Variants in RANBP3 observed in about 807,000 individuals in gnomAD.
RANBP3 encodes RAN binding protein 3.
In RANBP3, 14 loss-of-function variants were observed where a neutral mutation model predicts 77.3. That is an observed-to-expected ratio of 0.18 (90% confidence interval 0.12 to 0.28). The LOEUF (loss-of-function observed/expected upper bound fraction) is 0.28, where lower values mean the gene tolerates loss of function less well. Ranked by LOEUF, RANBP3 falls within the 10% of genes least tolerant of loss-of-function variation. The pLI, the probability that RANBP3 is intolerant of heterozygous loss-of-function variation, is 1.00. For synonymous variants in RANBP3, 315 were observed against 312.4 expected (o/e 1.01, Z -0.09); for missense variants, 586 against 752.3 (o/e 0.78, Z 2.59).
chr19:5,967,274 T>C (rs2058478932), intron 1 of RANBP3, among the ~76,000 whole-genome samples: 1 of 152,240 alleles, frequency 6.6e-6, no homozygotes, highest in African/African-American at 2.4e-5. Context: ...TCATGGAGAT[T>C]ATGGGGACAC....
At chr19:5,938,355 C>T (rs1041002727) in intron 5 of RANBP3, among the ~76,000 whole-genome samples, 1 of 152,136 alleles carries the variant, frequency 6.6e-6, no homozygotes, top group African/African-American at 2.4e-5. Context: ...AAAAGGCAGG[C>T]TCCATATTCT....
At chr19:5,947,428 A>G (rs553094210) in intron 3 of RANBP3, among the ~76,000 whole-genome samples, 9 of 152,334 alleles carry the variant, frequency 5.9e-5, no homozygotes, top group African/African-American at 1.9e-4. Flanking sequence ...GCAGGACATA[A>G]GAGCCCCATT....
At position 5,925,497 on chromosome 19, in the gene RANBP3, T is replaced by A. The variant is rs10406372; in HGVS notation, c.917+137A>T. 7,773 of 716,534 alleles carry A rather than the reference T, an allele frequency of 0.011. 454 individuals carry two copies. The African/African-American group carries it at 0.12, about 11-fold the overall frequency. The allele number at this position is 716,534 out of a possible 1,614,324, so 44.4% of individuals were successfully genotyped here. Reference sequence around the variant, plus strand: ...CCAAGGTTGTGCCCAGAGTGGGGAATGAGAGAGAGGGGCCTGAGAGCAACC... The same window carrying A: ...CCAAGGTTGTGCCCAGAGTGGGGAAAGAGAGAGAGGGGCCTGAGAGCAACC... On this transcript the variant is annotated intron_variant, in intron 10 of 16. Transcript: ENST00000340578.
intron 2 of RANBP3, among the ~76,000 whole-genome samples, chr19:5,952,000 C>A (rs2058282654): frequency 6.6e-6 from 1 of 152,108 alleles, no homozygotes; most frequent in Non-Finnish European, 1.5e-5. Flanking sequence ...GCCATCAGCA[C>A]CATTTCTGTG....
intron 1 of RANBP3, among the ~76,000 whole-genome samples, chr19:5,962,024 C>A (rs553695603): frequency 1.7e-4 from 26 of 152,066 alleles, no homozygotes; most frequent in Non-Finnish European, 3.7e-4. Flanking sequence ...GAGAGGCGTG[C>A]CTGCCCTGCT....
intron 14 of RANBP3, among the ~76,000 whole-genome samples, chr19:5,919,605 A>G (rs919117556): frequency 6.6e-6 from 1 of 152,232 alleles, no homozygotes; most frequent in Non-Finnish European, 1.5e-5. Flanking sequence ...AAACACAAGA[A>G]GACGTCCATA....
At chr19:5,934,807 C>A (rs530469211) in intron 5 of RANBP3, among the ~76,000 whole-genome samples, 12 of 152,270 alleles carry the variant, frequency 7.9e-5, no homozygotes, top group Admixed American at 5.9e-4. Context: ...TGCACTCCAG[C>A]CTGGGCGACA....
At chr19:5,922,790 A>G (rs1318986393) in intron 13 of RANBP3, among the ~76,000 whole-genome samples, 1 of 152,080 alleles carries the variant, frequency 6.6e-6, no homozygotes, top group Non-Finnish European at 1.5e-5. Flanking sequence ...AAATACAAAA[A>G]TTAGCCTGGC....
At chr19:5,929,149 G>C (rs1281184217) in intron 8 of RANBP3, among the ~76,000 whole-genome samples, 1 of 152,258 alleles carries the variant, frequency 6.6e-6, no homozygotes, top group African/African-American at 2.4e-5. Context: ...TGGTCCAACT[G>C]TGAAGGAAGT....
intron 3 of RANBP3, among the ~76,000 whole-genome samples, chr19:5,942,198 C>T (rs1188395269): frequency 6.6e-6 from 1 of 152,214 alleles, no homozygotes; most frequent in Non-Finnish European, 1.5e-5. Context: ...AAGCGACCCT[C>T]TCCACCCTTG....
At chr19:5,956,181 C>G (rs983922488) in intron 2 of RANBP3, among the ~76,000 whole-genome samples, 5 of 152,152 alleles carry the variant, frequency 3.3e-5, no homozygotes, top group Non-Finnish European at 7.3e-5. Flanking sequence ...AGTGCTGTGC[C>G]TTAATTTGCT....
At chr19:5,920,170 G>A (rs900919677) in intron 14 of RANBP3, among the ~76,000 whole-genome samples, 15 of 152,232 alleles carry the variant, frequency 9.9e-5, no homozygotes, top group African/African-American at 2.7e-4. Context: ...GCTGAGGTGG[G>A]AGGACTGTTT....
intron 5 of RANBP3, among the ~76,000 whole-genome samples, chr19:5,939,593 G>A (rs959611151): frequency 6.6e-6 from 1 of 152,224 alleles, no homozygotes; most frequent in Non-Finnish European, 1.5e-5. Context: ...CTGTTGACAA[G>A]GAGGTGCAGG....
intron 1 of RANBP3, among the ~76,000 whole-genome samples, chr19:5,977,440 G>C (rs570957241): frequency 2.6e-5 from 4 of 152,290 alleles, no homozygotes; most frequent in Non-Finnish European, 4.4e-5. Flanking sequence ...CGGCGGCCCA[G>C]ATCCTGCGGC....
intron 9 of RANBP3, among the ~76,000 whole-genome samples, chr19:5,926,769 G>A (rs2057915930): frequency 6.6e-6 from 1 of 152,058 alleles, no homozygotes; most frequent in African/African-American, 2.4e-5. Context: ...TCCTTGGAGG[G>A]AACAGCCCCT....
intron 13 of RANBP3, among the ~76,000 whole-genome samples, chr19:5,922,195 G>A (rs908306604): frequency 2.6e-5 from 4 of 152,160 alleles, no homozygotes; most frequent in Non-Finnish European, 5.9e-5. Flanking sequence ...GCTTTAAAAG[G>A]ATGGATTATA....
chr19:5,977,628 G>C (rs1351661137), intron 1 of RANBP3, among the ~76,000 whole-genome samples: 1 of 152,104 alleles, frequency 6.6e-6, no homozygotes. Context: ...TAGGCAGCCA[G>C]GCCGGGGAAG....
Position 5,924,961 on chromosome 19 carries a change from A to AT in RANBP3, c.918-57_918-56insA. The AT allele has an allele frequency of 6.8e-7, 1 of 1,474,290 alleles. No homozygotes were observed. Among genetic ancestry groups the AT allele is most frequent in the Non-Finnish European group, 9.5e-7 (1 of 1,053,082 alleles). 91.3% of individuals were successfully genotyped at this position (1,474,290 alleles called of 1,614,324 possible). Reference sequence around the variant, plus strand: ...CGTCACGTGGGAACGTGGCCAGGCAAATGTATGGGTACCCATGGAGCACAC... The same window carrying AT: ...CGTCACGTGGGAACGTGGCCAGGCAATATGTATGGGTACCCATGGAGCACAC... On this transcript the variant is annotated intron_variant, in intron 10 of 16. Coordinates refer to ENST00000340578, the MANE Select transcript of RANBP3 (RefSeq NM_007322.3). This position sits in a 1 kb window ranked among gnomAD's most constrained non-coding sequence, Gnocchi z 4.7.
intron 15 of RANBP3, 147 bp from the exon 16 acceptor site, chr19:5,918,127 C>T: frequency 1.1e-6 from 1 of 935,442 alleles, no homozygotes; most frequent in South Asian, 1.8e-5. Flanking sequence ...GCCTGCCGGC[C>T]TCTCCCCGAA....
Sources: gnomAD v4.1 joint callset for allele counts (sites outside exome capture counted in the v4.1 genomes callset) on GRCh38, gnomAD v4.1.1 for gene constraint, Gnocchi (gnomAD v3.1) non-coding constraint, MANE v1.5 for transcripts, NCBI Gene and HGNC (gene_info 2026-07-23, HGNC 2026-07-21) for gene names.